CROCC2: variants seen among roughly 807,000 people sequenced by gnomAD.
The protein encoded by CROCC2 is ciliary rootlet coiled-coil protein 2.
In CROCC2, 163 loss-of-function variants were observed where a neutral mutation model predicts 177.6. The ratio of observed to expected loss-of-function variants is 0.92; its 90% CI spans 0.81 to 1.05. The LOEUF (loss-of-function observed/expected upper bound fraction) is 1.05. CROCC2 is among the 50% of genes least tolerant of loss of function. CROCC2 has a pLI of 0.00. For synonymous variants in CROCC2, 904 were observed against 787.3 expected, an observed-to-expected ratio of 1.15 and a Z score of -2.48; for missense variants, 1,929 against 1,797.8, an observed-to-expected ratio of 1.07 and a Z score of -1.32.
intron 28 of CROCC2, among the ~76,000 whole-genome samples, chr2:240,984,016 C>G (rs2059819711): frequency 6.6e-6 from 1 of 152,188 alleles, no homozygotes; most frequent in Non-Finnish European, 1.5e-5. Flanking sequence ...ATAGTGGCCC[C>G]TGAGCTCCCG....
intron 1 of CROCC2, among the ~76,000 whole-genome samples, chr2:240,911,517 C>T (rs1158081511): frequency 1.3e-5 from 2 of 152,108 alleles, no homozygotes; most frequent in South Asian, 2.1e-4. Flanking sequence ...AGGAGGGTCT[C>T]GAACTCCTGA....
chr2:240,938,500 C>T (rs928091204), intron 14 of CROCC2, among the ~76,000 whole-genome samples: 1 of 152,250 alleles, frequency 6.6e-6, no homozygotes, highest in Admixed American at 6.5e-5. Flanking sequence ...AGTGTACACA[C>T]ATCCACCTTG....
chr2:240,948,831 C>T lies in CROCC2; in HGVS notation c.2364-148C>T, dbSNP rs116547659. 1,081 of 748,464 alleles carry T rather than the reference C, an allele frequency of 1.4e-3. 10 individuals are homozygous for T. In the African/African-American group the frequency reaches 0.018, roughly 12 times the overall value. The allele number at this position is 748,464 out of a possible 1,614,324, so 46.4% of individuals were successfully genotyped here. ...TCATCCTTGTTAACAGCACATGGTG[C>T]TCCAGAGATGCACCATAATTTCTAA... On this transcript the variant is annotated intron_variant, in intron 15 of 31. Transcript: ENST00000690015.
intron 19 of CROCC2, 141 bp downstream of exon 19, chr2:240,956,113 C>T: frequency 1.5e-6 from 1 of 654,364 alleles, no homozygotes. Context: ...CCAGGTGCCT[C>T]CAGGGCTCCT....
Position 240,958,019 on chromosome 2 carries a change from C to T in CROCC2, c.2944-1282C>T. On this transcript the variant is annotated intron_variant, in intron 19 of 31. Coordinates refer to ENST00000690015, the MANE Select transcript of CROCC2 (RefSeq NM_001351305.2). This position sits in a 1 kb window ranked among gnomAD's most constrained non-coding sequence, Gnocchi z 6.7. Reference sequence around the variant, plus strand: ...GCCTTCTCTTGAGCTGGCCCTGAGTCTCCCCCGGACTCGGTACCAGGCCTG... The same window carrying T: ...GCCTTCTCTTGAGCTGGCCCTGAGTTTCCCCCGGACTCGGTACCAGGCCTG... 1.0e-6 allele frequency: 1 copy of T among 985,384 alleles called. No homozygotes were observed. Among genetic ancestry groups the T allele is most frequent in the African/African-American group, 1.7e-5 (1 of 57,352 alleles). 61.0% of individuals were successfully genotyped at this position (985,384 alleles called of 1,614,324 possible).
chr2:240,914,625 G>A (rs1484708080), intron 1 of CROCC2, among the ~76,000 whole-genome samples: 3 of 152,192 alleles, frequency 2.0e-5, no homozygotes, highest in African/African-American at 4.8e-5. Context: ...TCACTCAGGA[G>A]GTTCGCCCTC....
Position 240,960,047 on chromosome 2 carries a change from A to G in CROCC2, c.3087+603A>G, listed in dbSNP as rs1346670530. Among the ~76,000 whole-genome samples the G allele has an allele frequency of 6.6e-6, 1 of 152,216 alleles. No homozygotes were observed. Among genetic ancestry groups the G allele is most frequent in the Non-Finnish European group, 1.5e-5 (1 of 68,032 alleles). On this transcript the variant is annotated intron_variant, in intron 20 of 31. Transcript: ENST00000690015. This position sits in a 1 kb window ranked among gnomAD's most constrained non-coding sequence, Gnocchi z 5.0. ...CCCCCTCGTTCCACGCACAGTTAAG[A>G]AAGTGGAGTCAGGAAGGGCCTGACT... is the stretch of plus-strand genomic sequence containing the variant.
chr2:240,934,805 A>C, intron 12 of CROCC2, 111 bp from the exon 13 acceptor site: 19 of 1,225,394 alleles, frequency 1.6e-5, no homozygotes, highest in Non-Finnish European at 2.0e-5. Flanking sequence ...TGTCCGCCCA[A>C]GAGCTCTGGC....
At chr2:240,963,227 C>G in intron 20 of CROCC2, 1 of 368,242 alleles carries the variant, frequency 2.7e-6, no homozygotes, top group Non-Finnish European at 5.0e-6. Flanking sequence ...AGTGCAGACA[C>G]GTGTGCTGAG....
At chr2:240,930,330 TG>T in intron 6 of CROCC2, 61 bp downstream of exon 6, 1 of 469,382 alleles carries the variant, frequency 2.1e-6, no homozygotes, top group South Asian at 4.4e-5. Flanking sequence ...GAAACCCCCT[TG>T]GGGAGGGGGA....
Position 240,960,595 on chromosome 2 carries a change from G to A in CROCC2, c.3087+1151G>A, listed in dbSNP as rs542560808. ...CAGCTGGAGCCCCAGCGGGGCCCAC[G>A]GGGACGGGGCGACCTCGCACACTCC... is the stretch of plus-strand genomic sequence containing the variant. On this transcript the variant is annotated intron_variant, in intron 20 of 31. Coordinates refer to ENST00000690015, the MANE Select transcript of CROCC2 (RefSeq NM_001351305.2). This position sits in a 1 kb window ranked among gnomAD's most constrained non-coding sequence, Gnocchi z 5.0. Among the ~76,000 whole-genome samples, 49 of 152,264 alleles carry A rather than the reference G, an allele frequency of 3.2e-4. No individual in the cohort carries two copies. In the South Asian group the frequency reaches 3.7e-3, roughly 12 times the overall value.
At position 240,934,327 on chromosome 2, in the gene CROCC2, T is replaced by TG; in HGVS notation, c.1647-4_1647-3insG. 6.5e-7 allele frequency: 1 copy of TG among 1,548,222 alleles called. No individual in the cohort carries two copies. Among genetic ancestry groups the TG allele is most frequent in the East Asian group, 2.4e-5 (1 of 40,892 alleles). Reference sequence around the variant, plus strand: ...ACCTCCCGCCCTCTGGTCTGGGGCCTCAGTCAAGGCCGCCTGCAGCAGCTG... The same window carrying TG: ...ACCTCCCGCCCTCTGGTCTGGGGCCTGCAGTCAAGGCCGCCTGCAGCAGCTG... On this transcript the variant is annotated splice_polypyrimidine_tract_variant and splice_region_variant and intron_variant, in intron 11 of 31. Coordinates refer to ENST00000690015, the MANE Select transcript of CROCC2 (RefSeq NM_001351305.2).
At chr2:240,935,722 G>A (rs1352897532) in intron 14 of CROCC2, 134 bp downstream of exon 14, 5 of 636,500 alleles carry the variant, frequency 7.9e-6, no homozygotes, top group Non-Finnish European at 1.2e-5. Context: ...AACGGATCAG[G>A]CCCAGTGCTG....
At chr2:240,962,733 C>G (rs937041356) in intron 20 of CROCC2, among the ~76,000 whole-genome samples, 3 of 152,202 alleles carry the variant, frequency 2.0e-5, no homozygotes, top group Admixed American at 6.5e-5. Flanking sequence ...CGGAATGGAG[C>G]CTTCTCCAGG....
chr2:240,975,416 C>T (rs917408852), intron 27 of CROCC2, among the ~76,000 whole-genome samples: 22 of 152,180 alleles, frequency 1.4e-4, no homozygotes, highest in Admixed American at 6.5e-5. Flanking sequence ...CGGGGCAGCT[C>T]GCCAGTGCAG....
At chr2:240,989,920 T>TCA in intron 30 of CROCC2, 87 bp downstream of exon 30, 2 of 1,290,412 alleles carry the variant, frequency 1.5e-6, no homozygotes, top group Non-Finnish European at 2.1e-6. Flanking sequence ...AGGGGTGACT[T>TCA]CTTGAAGTCC....
chr2:240,931,246 C>A, intron 7 of CROCC2, 118 bp downstream of exon 7: 1 of 602,158 alleles, frequency 1.7e-6, no homozygotes, highest in Non-Finnish European at 3.0e-6. Flanking sequence ...GCAGGTGGGG[C>A]CCTGATGTCA....
rs1015667820 is a variant in CROCC2, at chr2:240,973,417, G to A, written c.4401+5155G>A. Among the ~76,000 whole-genome samples the A allele has an allele frequency of 1.4e-4, 21 of 150,052 alleles. No individual in the cohort carries two copies. Among genetic ancestry groups the A allele is most frequent in the African/African-American group, 2.5e-4 (10 of 40,456 alleles). On this transcript the variant is annotated intron_variant, in intron 27 of 31. Coordinates refer to ENST00000690015, the MANE Select transcript of CROCC2 (RefSeq NM_001351305.2). The surrounding 1 kb of genome is among the most constrained non-coding windows in gnomAD (Gnocchi z 4.7). ...CAGCATCACCCACAGCCTCATGCCC[G>A]CTCAGAAAGGCCCCCCATGCCACCC...
chr2:240,954,547 C>T (rs1375251948), intron 18 of CROCC2: 1 of 152,270 alleles, frequency 6.6e-6, no homozygotes, highest in Non-Finnish European at 1.5e-5. Context: ...GGCTGCTGCA[C>T]CCTCCCCGTG....
Sources: gnomAD v4.1 joint callset for allele counts (sites outside exome capture counted in the v4.1 genomes callset) on GRCh38, gnomAD v4.1.1 for gene constraint, Gnocchi (gnomAD v3.1) non-coding constraint, MANE v1.5 for transcripts, NCBI Gene and HGNC (gene_info 2026-07-23, HGNC 2026-07-21) for gene names.